SOX5: variants seen among roughly 807,000 people sequenced by gnomAD.
The protein encoded by SOX5 is SRY-box transcription factor 5, also known as transcription factor SOX-5.
SOX5 carries 9 observed loss-of-function variants against 92.0 expected under a neutral mutation model. The ratio of observed to expected loss-of-function variants is 0.10; its 90% CI spans 0.06 to 0.17. The LOEUF is 0.17. Ranked by LOEUF, SOX5 falls within the 10% of genes least tolerant of loss-of-function variation. SOX5 has a pLI of 1.00. For missense variants in SOX5, 642 were observed against 944.5 expected (o/e 0.68, Z 4.20); for synonymous variants, 344 against 336.3 (o/e 1.02, Z -0.25).
intron 2 of SOX5, among the ~76,000 whole-genome samples, chr12:24,305,098 G>A (rs1010940391): frequency 6.6e-6 from 1 of 152,158 alleles, no homozygotes; most frequent in Non-Finnish European, 1.5e-5. Flanking sequence ...CACCAGGCTG[G>A]TAGAATTGTG....
At chr12:23,726,616 G>A (rs897992917) in intron 6 of SOX5, among the ~76,000 whole-genome samples, 5 of 152,084 alleles carry the variant, frequency 3.3e-5, no homozygotes, top group South Asian at 2.1e-4. Flanking sequence ...TCCCAGGGGC[G>A]TATATAAGCA....
intron 2 of SOX5, among the ~76,000 whole-genome samples, chr12:24,308,436 T>C (rs778073564): frequency 2.0e-5 from 3 of 152,232 alleles, no homozygotes; most frequent in East Asian, 1.9e-4. Flanking sequence ...TTTTAATAAA[T>C]GTTCACTGCC....
intron 1 of SOX5, among the ~76,000 whole-genome samples, chr12:24,557,399 T>C (rs1489054714): frequency 5.5e-4 from 41 of 74,002 alleles, no homozygotes; most frequent in African/African-American, 1.4e-3. Flanking sequence ...AGACTTCATT[T>C]CAAAAAAAAA....
At chr12:24,124,959 C>T (rs1308496380) in intron 4 of SOX5, among the ~76,000 whole-genome samples, 1 of 152,126 alleles carries the variant, frequency 6.6e-6, no homozygotes, top group African/African-American at 2.4e-5. Flanking sequence ...TTTCCTCAAA[C>T]TCTAAGCACA....
At chr12:24,015,110 T>TTCTC (rs1273027453) in intron 4 of SOX5, among the ~76,000 whole-genome samples, 2 of 151,418 alleles carry the variant, frequency 1.3e-5, no homozygotes, top group Non-Finnish European at 2.9e-5. Context: ...CTCTCTCTCT[T>TTCTC]TCTCTCTCTC....
chr12:24,317,088 GATA>G (rs1949762856), intron 2 of SOX5, among the ~76,000 whole-genome samples: 2 of 152,186 alleles, frequency 1.3e-5, no homozygotes, highest in South Asian at 4.1e-4. Flanking sequence ...GAGGAACTCT[GATA>G]ATGAGATAAA....
chr12:23,777,763 T>G (rs759977393), intron 3 of SOX5, among the ~76,000 whole-genome samples: 32 of 152,086 alleles, frequency 2.1e-4, no homozygotes, highest in Non-Finnish European at 3.2e-4. Context: ...AAAAAAAAAT[T>G]GAAAGAAAAC....
At chr12:24,424,807 T>TG (rs139281287) in intron 1 of SOX5, among the ~76,000 whole-genome samples, 20,757 of 130,906 alleles carry the variant, frequency 0.16, 2,077 homozygotes, top group African/African-American at 0.19. Context: ...AGTTTTTTTT[T>TG]TGGGGGGGGG....
intron 1 of SOX5, among the ~76,000 whole-genome samples, chr12:24,402,412 A>G (rs1961941760): frequency 6.6e-6 from 1 of 152,176 alleles, no homozygotes; most frequent in Non-Finnish European, 1.5e-5. Flanking sequence ...TAAGAGAAAT[A>G]TTGGTACAAT....
intron 1 of SOX5, among the ~76,000 whole-genome samples, chr12:24,519,319 G>A (rs1253232383): frequency 6.6e-6 from 1 of 151,876 alleles, no homozygotes; most frequent in East Asian, 1.9e-4. Context: ...CCTTAAAGGA[G>A]GCAAGAAAAT....
chr12:23,926,578 C>G lies in SOX5; in HGVS notation c.38+22986G>C, dbSNP rs193096998. 1.2e-3 allele frequency among the ~76,000 whole-genome samples: 181 copies of G among 151,830 alleles called. 1 individual carries two copies. The highest frequency in any genetic ancestry group is 2.1e-3 in the Non-Finnish European group (139 of 67,728). On this transcript the variant is annotated intron_variant, in intron 1 of 14. Transcript: ENST00000451604. ...AGTAAATTCAAAATCCTATGCTTTA[C>G]CTGAACTTTTGGATTATGTTTGGTA...
At chr12:23,793,206 T>C (rs890696149) in intron 3 of SOX5, among the ~76,000 whole-genome samples, 2 of 152,168 alleles carry the variant, frequency 1.3e-5, no homozygotes, top group African/African-American at 4.8e-5. Context: ...CTTGATAAAA[T>C]ATATGCGAAT....
intron 9 of SOX5, among the ~76,000 whole-genome samples, chr12:23,581,062 T>C (rs1949974938): frequency 6.6e-6 from 1 of 152,014 alleles, no homozygotes. Flanking sequence ...TGTATAATAG[T>C]CATAATTTTA....
intron 2 of SOX5, among the ~76,000 whole-genome samples, chr12:24,366,928 G>A (rs1956232452): frequency 6.6e-6 from 1 of 151,894 alleles, no homozygotes; most frequent in African/African-American, 2.4e-5. Flanking sequence ...ATGGGTAGAG[G>A]AAGGAGAAAA....
At chr12:24,097,210 C>T (rs1945529844) in intron 4 of SOX5, among the ~76,000 whole-genome samples, 1 of 152,036 alleles carries the variant, frequency 6.6e-6, no homozygotes, top group Non-Finnish European at 1.5e-5. Context: ...AGTCCTTTGT[C>T]CATTTTTAAA....
intron 11 of SOX5, among the ~76,000 whole-genome samples, chr12:23,556,355 C>T (rs1945173604): frequency 1.3e-5 from 2 of 152,148 alleles, no homozygotes; most frequent in East Asian, 3.9e-4. Context: ...TTTTGTGTAT[C>T]TTTTAATTAA....
chr12:23,700,557 A>G (rs7955875), intron 6 of SOX5, among the ~76,000 whole-genome samples: 62,228 of 151,810 alleles, frequency 0.41, 13,675 homozygotes, highest in African/African-American at 0.58. Flanking sequence ...GGGGTATGGG[A>G]AGCAAAAGCT....
intron 4 of SOX5, among the ~76,000 whole-genome samples, chr12:24,083,512 A>G (rs1362561670): frequency 6.6e-6 from 1 of 152,070 alleles, no homozygotes; most frequent in African/African-American, 2.4e-5. Flanking sequence ...AACATTTGTA[A>G]TCACTCACTG....
chr12:24,000,766 G>C (rs566419025), intron 4 of SOX5, among the ~76,000 whole-genome samples: 1 of 152,152 alleles, frequency 6.6e-6, no homozygotes, highest in South Asian at 2.1e-4. Context: ...TGTAATGCAA[G>C]ATTTTTTTAA....
Sources: gnomAD v4.1 joint callset for allele counts (sites outside exome capture counted in the v4.1 genomes callset) on GRCh38, gnomAD v4.1.1 for gene constraint, MANE v1.5 for transcripts, NCBI Gene and HGNC (gene_info 2026-07-23, HGNC 2026-07-21) for gene names.